Variants in JAKMIP2 observed in about 807,000 individuals in gnomAD.
JAKMIP2 encodes janus kinase and microtubule-interacting protein 2.
Under a neutral mutation model 115.0 loss-of-function variants are expected in JAKMIP2, and 25 were observed. The ratio of observed to expected loss-of-function variants is 0.22; its 90% CI spans 0.16 to 0.30. The LOEUF is 0.30. JAKMIP2 is among the 10% of genes least tolerant of loss of function. JAKMIP2 has a pLI of 1.00. For synonymous variants in JAKMIP2, 334 were observed against 343.6 expected (o/e 0.97, Z 0.31); for missense variants, 642 against 957.6 (o/e 0.67, Z 4.35).
chr5:147,676,310 T>C (rs1233392539), intron 1 of JAKMIP2, among the ~76,000 whole-genome samples: 1 of 152,182 alleles, frequency 6.6e-6, no homozygotes, highest in Non-Finnish European at 1.5e-5. Context: ...CGCTCCAGCC[T>C]GGGCGACAGA....
At chr5:147,723,559 G>C (rs896241402) in intron 1 of JAKMIP2, among the ~76,000 whole-genome samples, 2 of 152,014 alleles carry the variant, frequency 1.3e-5, no homozygotes, top group African/African-American at 2.4e-5. Flanking sequence ...CTAATCAAAG[G>C]CAATTTTTTA....
At chr5:147,606,657 C>T (rs898089413) in intron 20 of JAKMIP2, among the ~76,000 whole-genome samples, 1 of 152,152 alleles carries the variant, frequency 6.6e-6, no homozygotes, top group Non-Finnish European at 1.5e-5. Flanking sequence ...ATTGTCTTGG[C>T]TATATGGGCT....
At chr5:147,724,724 T>A (rs994099337) in intron 1 of JAKMIP2, among the ~76,000 whole-genome samples, 1 of 152,184 alleles carries the variant, frequency 6.6e-6, no homozygotes, top group Non-Finnish European at 1.5e-5. Context: ...CACCCTATCT[T>A]CCTTCACAAA....
intron 21 of JAKMIP2, among the ~76,000 whole-genome samples, chr5:147,595,247 C>T: frequency 6.6e-6 from 1 of 151,800 alleles, no homozygotes; most frequent in East Asian, 1.9e-4. Flanking sequence ...TGTTTTTGTC[C>T]CCTCCAAAAT....
At chr5:147,640,559 G>A (rs546599618) in intron 9 of JAKMIP2, 145 bp downstream of exon 9, 2 of 740,546 alleles carry the variant, frequency 2.7e-6, no homozygotes, top group South Asian at 4.8e-5. Context: ...AGATAATAAA[G>A]TGCAGCCTCA....
chr5:147,673,292 C>T (rs988009892), intron 1 of JAKMIP2, among the ~76,000 whole-genome samples: 10 of 152,150 alleles, frequency 6.6e-5, no homozygotes, highest in African/African-American at 2.4e-4. Flanking sequence ...TGACAAGATC[C>T]TAGAGAAAGC....
Position 147,628,743 on chromosome 5 carries a change from C to A in JAKMIP2, c.1995+8G>T, listed in dbSNP as rs771647066. On this transcript the variant is annotated splice_region_variant and intron_variant, in intron 16 of 21. Transcript: ENST00000616793. ...GAGATGATTTGAAATGTTTGTACGG[C>A]TCATTACCTTCTCTGCCAGGGACAG... is the stretch of plus-strand genomic sequence containing the variant. The A allele has an allele frequency of 8.1e-6, 13 of 1,608,918 alleles. No individual in the cohort carries two copies. In the African/African-American group the frequency reaches 1.6e-4, roughly 20 times the overall value.
chr5:147,666,962 C>G (rs1759331160), intron 2 of JAKMIP2, among the ~76,000 whole-genome samples: 1 of 151,920 alleles, frequency 6.6e-6, no homozygotes, highest in Non-Finnish European at 1.5e-5. Context: ...TACATTAATA[C>G]CAACAACATA....
intron 1 of JAKMIP2, among the ~76,000 whole-genome samples, chr5:147,771,794 T>C (rs1043922533): frequency 6.6e-6 from 1 of 152,072 alleles, no homozygotes; most frequent in African/African-American, 2.4e-5. Context: ...AAAACAAAAG[T>C]TCCTTTTGGA....
chr5:147,764,799 T>C (rs755601862), intron 1 of JAKMIP2, among the ~76,000 whole-genome samples: 6 of 150,064 alleles, frequency 4.0e-5, no homozygotes, highest in Non-Finnish European at 8.9e-5. Flanking sequence ...GGCAGGAGAA[T>C]TGCTTGAACC....
At chr5:147,634,473 G>C (rs1757514388) in intron 12 of JAKMIP2, among the ~76,000 whole-genome samples, 1 of 152,164 alleles carries the variant, frequency 6.6e-6, no homozygotes. Context: ...ACTTTCAAAA[G>C]TTTGTAGAAG....
rs1561850178 is a variant in JAKMIP2, at chr5:147,618,080, G to A, written c.2177C>T (p.Ala726Val). ...CTTGATAACAGTTTCTTGCTGTAGA[G>A]CATTGTACAAAGTAGCTTCTAGTTC... ...IQELEATLYN[A>V]LQQETVIKFG... is the part of the protein sequence containing the mutation. The change falls in exon 19 of 22, where the codon GCT becomes GTT. Residue 726 changes from alanine to valine, a missense_variant. Physicochemically the swap from Ala to Val is moderately conservative, Grantham distance 64. This residue lies in a region of JAKMIP2 where 68 missense variants were observed against 104.6 expected (regional missense o/e 0.65). Transcript: ENST00000616793. 1 of 1,613,994 alleles carries A rather than the reference G, an allele frequency of 6.2e-7. No individual in the cohort carries two copies. The highest frequency in any genetic ancestry group is 8.5e-7 in the Non-Finnish European group (1 of 1,179,856).
In JAKMIP2 at chr5:147,650,326, GAA is replaced by G. The variant is rs1372471888; in HGVS notation, c.837+10_837+11del. The stretch of plus-strand genomic sequence containing the variant: ...ACTTGTGCATTCTTAACTTCAACTA[GAA>G]TGGACTTACAGGACTGCTGCAGTGT... On this transcript the variant is annotated intron_variant, in intron 4 of 21. Coordinates refer to ENST00000616793, the MANE Select transcript of JAKMIP2 (RefSeq NM_001270941.2). 6.4e-7 allele frequency: 1 copy of G among 1,559,988 alleles called. No homozygotes were observed. The highest frequency in any genetic ancestry group is 8.8e-7 in the Non-Finnish European group (1 of 1,130,594).
In JAKMIP2 at chr5:147,671,773, G is replaced by C; in HGVS notation, c.34C>G (p.Pro12Ala). Residue 12 changes from proline to alanine, a missense_variant, in exon 2 of 22, where the codon CCC (proline) becomes GCC (alanine). Coordinates refer to ENST00000616793, the MANE Select transcript of JAKMIP2 (RefSeq NM_001270941.2). ...TGAAGGGCAACAATGAGTGCCTCGG[G>C]CTTCTCGCCCTTATTTCGCCCTTTC... Reference protein sequence around the residue: ...SKKGRNKGEKPEALIVALQAA... With the variant: ...SKKGRNKGEKAEALIVALQAA... 6.3e-7 allele frequency: 1 copy of C among 1,590,142 alleles called. No homozygotes were observed. The highest frequency in any genetic ancestry group is 8.6e-7 in the Non-Finnish European group (1 of 1,167,610).
intron 21 of JAKMIP2, among the ~76,000 whole-genome samples, chr5:147,601,333 G>A (rs948468278): frequency 6.6e-6 from 1 of 152,094 alleles, no homozygotes; most frequent in African/African-American, 2.4e-5. Flanking sequence ...AGGCCTGATG[G>A]CTTGGTCAAC....
At chr5:147,669,607 G>C (rs1163561498) in intron 2 of JAKMIP2, among the ~76,000 whole-genome samples, 1 of 152,180 alleles carries the variant, frequency 6.6e-6, no homozygotes, top group African/African-American at 2.4e-5. Flanking sequence ...CCAGTCTCGA[G>C]ATTGACAAGC....
At chr5:147,633,264 G>A (rs1184013569) in intron 12 of JAKMIP2, among the ~76,000 whole-genome samples, 1 of 152,068 alleles carries the variant, frequency 6.6e-6, no homozygotes. Context: ...TTAATAATCT[G>A]ATTACCACCT....
At chr5:147,637,120 C>G in intron 10 of JAKMIP2, 72 bp from the exon 11 acceptor site, 1 of 810,074 alleles carries the variant, frequency 1.2e-6, no homozygotes. Context: ...TAGAACTCAA[C>G]AAGTAAGAGA....
chr5:147,688,724 A>G (rs1211870429), intron 1 of JAKMIP2, among the ~76,000 whole-genome samples: 1 of 152,174 alleles, frequency 6.6e-6, no homozygotes, highest in African/African-American at 2.4e-5. Context: ...GTGGCAAAAG[A>G]TACATGGAAT....
Sources: allele counts gnomAD v4.1 joint callset (sites outside exome capture counted in the v4.1 genomes callset), GRCh38; gene constraint gnomAD v4.1.1; regional missense constraint gnomAD v4.1.1; transcripts MANE v1.5; gene names NCBI Gene and HGNC (gene_info 2026-07-23, HGNC 2026-07-21).